IFT74: variants seen among roughly 807,000 people sequenced by gnomAD.
The protein encoded by IFT74 is intraflagellar transport 74.
A neutral mutation model predicts 96.7 loss-of-function variants in IFT74; 92 were observed. That is an observed-to-expected ratio of 0.95 (90% CI 0.80 to 1.13). IFT74 has a LOEUF of 1.13. IFT74 is among the 50% of genes most tolerant of loss of function. The probability of loss-of-function intolerance (pLI) is 0.00; values close to 1 mark genes in which losing one functional copy is unlikely to be tolerated. For synonymous variants in IFT74, 223 were observed against 213.2 expected (o/e 1.05, Z -0.40); for missense variants, 811 against 698.2 (o/e 1.16, Z -1.82).
chr9:27,012,502 G>A (rs1225338065), intron 10 of IFT74, among the ~76,000 whole-genome samples: 1 of 152,068 alleles, frequency 6.6e-6, no homozygotes, highest in East Asian at 1.9e-4. Flanking sequence ...ACAGGCATGA[G>A]GCATTGTGCT....
intron 16 of IFT74, among the ~76,000 whole-genome samples, chr9:27,054,779 C>CT (rs1463133025): frequency 6.6e-6 from 1 of 152,152 alleles, no homozygotes; most frequent in African/African-American, 2.4e-5. Context: ...AGTTCTCATA[C>CT]TATAAAGAGG....
chr9:26,982,589 GGGATTACA>G (rs1246363517), intron 4 of IFT74, among the ~76,000 whole-genome samples: 1 of 151,626 alleles, frequency 6.6e-6, no homozygotes, highest in African/African-American at 2.4e-5. Flanking sequence ...CCGAGTAGCT[GGGATTACA>G]GGTGTGCACC....
At position 26,968,443 on chromosome 9, in the gene IFT74, G is replaced by A. The variant is rs1826730010; in HGVS notation, c.120+6356G>A. 5.3e-5 allele frequency among the ~76,000 whole-genome samples: 8 copies of A among 152,052 alleles called. 1 individual carries two copies. The South Asian group carries it at 1.7e-3, about 32-fold the overall frequency. On this transcript the variant is annotated intron_variant, in intron 2 of 19. Coordinates refer to ENST00000380062, the MANE Select transcript of IFT74 (RefSeq NM_025103.4). ...CGTCTGGCTAATTTTTATATTTTTA[G>A]TAGAGACTGGGTTTCACCATGTTGG...
At chr9:26,995,134 T>G (rs1468765237) in intron 8 of IFT74, 1 of 154,598 alleles carries the variant, frequency 6.5e-6, no homozygotes, top group African/African-American at 2.4e-5. Flanking sequence ...TAATAAATCC[T>G]AAACTTTTAT....
chr9:26,973,016 T>C (rs1338162670), intron 2 of IFT74, among the ~76,000 whole-genome samples: 1 of 152,186 alleles, frequency 6.6e-6, no homozygotes, highest in Non-Finnish European at 1.5e-5. Context: ...CCAAAGACGT[T>C]AGGGGAGTCT....
chr9:27,041,663 G>A (rs73438223), intron 13 of IFT74, among the ~76,000 whole-genome samples: 15,084 of 151,856 alleles, frequency 0.099, 989 homozygotes, highest in South Asian at 0.25. Context: ...ATTTGCTTCC[G>A]TCTATCTACA....
intron 6 of IFT74, among the ~76,000 whole-genome samples, chr9:26,988,289 C>T (rs1371250341): frequency 6.6e-6 from 1 of 152,096 alleles, no homozygotes; most frequent in African/African-American, 2.4e-5. Flanking sequence ...ACATTCCTCT[C>T]TCCTTGGGGA....
At chr9:27,015,815 G>A (rs1829311194) in intron 10 of IFT74, among the ~76,000 whole-genome samples, 1 of 152,160 alleles carries the variant, frequency 6.6e-6, no homozygotes, top group African/African-American at 2.4e-5. Flanking sequence ...ATCTTGTAGA[G>A]TATCACTTTG....
intron 19 of IFT74, among the ~76,000 whole-genome samples, chr9:27,061,888 A>T (rs1387111825): frequency 6.6e-6 from 1 of 152,004 alleles, no homozygotes; most frequent in Non-Finnish European, 1.5e-5. Context: ...GTTTACTTTT[A>T]GTTTGATTAC....
Position 27,048,154 on chromosome 9 carries a change from A to C in IFT74, c.1213A>C (p.Asn405His), listed in dbSNP as rs1327443256. 3.8e-6 allele frequency: 6 copies of C among 1,569,582 alleles called. No individual in the cohort carries two copies. Among genetic ancestry groups the C allele is most frequent in the Non-Finnish European group, 5.2e-6 (6 of 1,157,882 alleles). ...TATTTCTCTGCAAATGCAGAATATA[A>C]ATCGTATAGAACAGATATCCTCTAT... The part of the protein sequence containing the change: ...ALLEHCSRNI[N>H]RIEQISSITN... The change falls in exon 16 of 20, where the codon AAT becomes CAT. Residue 405 changes from asparagine (N) to histidine (H), a missense_variant. Transcript: ENST00000380062.
At chr9:26,948,116 AAT>A (rs999822439) in intron 1 of IFT74, among the ~76,000 whole-genome samples, 2 of 152,214 alleles carry the variant, frequency 1.3e-5, no homozygotes, top group Non-Finnish European at 2.9e-5. Context: ...CTAGGTTTGG[AAT>A]CACTTTTCCC....
intron 2 of IFT74, among the ~76,000 whole-genome samples, chr9:26,962,814 T>C (rs1383188956): frequency 1.3e-5 from 2 of 151,702 alleles, no homozygotes; most frequent in Admixed American, 1.3e-4. Context: ...TATCTGAATT[T>C]ACAAAAAATA....
intron 2 of IFT74, among the ~76,000 whole-genome samples, chr9:26,962,699 G>A (rs1434653275): frequency 6.6e-6 from 1 of 152,146 alleles, no homozygotes; most frequent in Non-Finnish European, 1.5e-5. Flanking sequence ...CATAAATGTA[G>A]TAGAGGAAAA....
At chr9:26,961,778 G>T (rs1826371414) in intron 1 of IFT74, among the ~76,000 whole-genome samples, 171 bp from the exon 2 acceptor site, 1 of 152,172 alleles carries the variant, frequency 6.6e-6, no homozygotes, top group Non-Finnish European at 1.5e-5. Flanking sequence ...CAATCTCATA[G>T]TTGTAAATGG....
At chr9:27,057,321 T>A (rs1486665156) in intron 18 of IFT74, among the ~76,000 whole-genome samples, 1 of 152,092 alleles carries the variant, frequency 6.6e-6, no homozygotes, top group Non-Finnish European at 1.5e-5. Context: ...GTGTGTGAGG[T>A]CTAGATTGAG....
intron 16 of IFT74, among the ~76,000 whole-genome samples, chr9:27,052,852 C>G (rs1300301928): frequency 6.6e-6 from 1 of 151,746 alleles, no homozygotes; most frequent in Non-Finnish European, 1.5e-5. Context: ...ATTTAGTGTA[C>G]TCCATGTTGT....
intron 8 of IFT74, among the ~76,000 whole-genome samples, chr9:27,007,891 A>G (rs1457652042): frequency 6.6e-6 from 1 of 152,254 alleles, no homozygotes; most frequent in African/African-American, 2.4e-5. Flanking sequence ...AAGTATTTAG[A>G]TAAGTGGCAT....
rs72711795 is a variant in IFT74 at position 27,064,840 on chromosome 9, T to A, written c.*2104T>A. ...AATTTTTACTATTAGTAATAAGGGTTTTTTTCTGAGTGGTGGGATTATGGG... is the reference window on the plus strand; with the variant it reads ...AATTTTTACTATTAGTAATAAGGGTATTTTTCTGAGTGGTGGGATTATGGG... On this transcript the variant is annotated 3_prime_UTR_variant, in exon 20 of 20. Transcript: ENST00000380062. Among the ~76,000 whole-genome samples the A allele has an allele frequency of 6.8e-3, 1,041 of 152,234 alleles. 2 individuals are homozygous for A. Among genetic ancestry groups the A allele is most frequent in the Non-Finnish European group, 0.011 (757 of 67,980 alleles).
chr9:27,028,883 T>C (rs1364126115), intron 12 of IFT74, 142 bp from the exon 13 acceptor site: 1 of 689,658 alleles, frequency 1.4e-6, no homozygotes, highest in South Asian at 2.4e-5. Flanking sequence ...TCATCGTCAG[T>C]TATAGTATTG....
Sources: gnomAD v4.1 joint callset for allele counts (sites outside exome capture counted in the v4.1 genomes callset) on GRCh38, gnomAD v4.1.1 for gene constraint, MANE v1.5 for transcripts, NCBI Gene and HGNC (gene_info 2026-07-23, HGNC 2026-07-21) for gene names.